Variants in BARX2 observed in about 807,000 individuals in gnomAD.
BARX2 encodes the protein homeobox protein BarH-like 2.
In BARX2, 11 loss-of-function variants were observed where a neutral mutation model predicts 25.5. The ratio of observed to expected loss-of-function variants is 0.43; its 90% CI spans 0.27 to 0.71. The LOEUF is 0.71. BARX2 is among the 30% of genes least tolerant of loss of function. The probability of loss-of-function intolerance (pLI) is 0.19; values close to 1 mark genes in which losing one functional copy is unlikely to be tolerated. For synonymous variants in BARX2, 137 were observed against 149.5 expected (o/e 0.92, Z 0.61); for missense variants, 360 against 359.9 (o/e 1.00, Z 0.00).
chr11:129,402,231 G>T (rs983044312), intron 1 of BARX2, among the ~76,000 whole-genome samples: 2 of 151,950 alleles, frequency 1.3e-5, no homozygotes, highest in South Asian at 4.2e-4. Context: ...AGCTTTGGGG[G>T]CACAGACCTG....
intron 3 of BARX2, among the ~76,000 whole-genome samples, chr11:129,446,127 C>T (rs1445212614): frequency 2.0e-5 from 3 of 152,144 alleles, no homozygotes; most frequent in Non-Finnish European, 4.4e-5. Context: ...ATGGGATGCG[C>T]ACCCTCTATT....
chr11:129,390,039 A>C lies in BARX2; in HGVS notation c.187+13817A>C, dbSNP rs1861652155. On this transcript the variant is annotated intron_variant, in intron 1 of 3. Transcript: ENST00000281437. The surrounding 1 kb of genome is among the most constrained non-coding windows in gnomAD (Gnocchi z 4.3). ...GGATTTTTTTGGGATTGTGTTTCTC[A>C]GCTGGTCACTAGTGTCTTATGAAGT... 6.6e-6 allele frequency among the ~76,000 whole-genome samples: 1 copy of C among 152,178 alleles called. No individual in the cohort carries two copies. Among genetic ancestry groups the C allele is most frequent in the African/African-American group, 2.4e-5 (1 of 41,442 alleles).
chr11:129,392,820 A>C (rs1180620827), intron 1 of BARX2, among the ~76,000 whole-genome samples: 1 of 152,092 alleles, frequency 6.6e-6, no homozygotes, highest in Non-Finnish European at 1.5e-5. Context: ...CATGTTGCCC[A>C]GGCTGGTCTT....
chr11:129,416,878 T>G (rs1861949588), intron 1 of BARX2, among the ~76,000 whole-genome samples: 1 of 142,982 alleles, frequency 7.0e-6, no homozygotes, highest in South Asian at 2.1e-4. Context: ...TGTCTTTGTT[T>G]TTTTTTTTTT....
chr11:129,393,520 CTT>C (rs752633695), intron 1 of BARX2, among the ~76,000 whole-genome samples: 13 of 142,136 alleles, frequency 9.1e-5, no homozygotes, highest in Admixed American at 7.1e-5. Flanking sequence ...TTAGGATATC[CTT>C]TTTTTTTTTT....
intron 1 of BARX2, among the ~76,000 whole-genome samples, chr11:129,427,543 A>G (rs572461422): frequency 3.9e-5 from 6 of 152,290 alleles, no homozygotes; most frequent in African/African-American, 9.6e-5. Flanking sequence ...CATTCCTGCA[A>G]TGTAAATCAG....
chr11:129,382,887 A>G (rs968888071), intron 1 of BARX2, among the ~76,000 whole-genome samples: 5 of 152,150 alleles, frequency 3.3e-5, no homozygotes, highest in African/African-American at 1.2e-4. Context: ...TGACGACGAG[A>G]AGAAGAGAAG....
intron 3 of BARX2, among the ~76,000 whole-genome samples, chr11:129,446,555 TATC>T (rs1215684974): frequency 6.6e-6 from 1 of 152,194 alleles, no homozygotes; most frequent in African/African-American, 2.4e-5. Context: ...CCGTTATTAT[TATC>T]ATTATTAGTA....
At chr11:129,379,805 A>T (rs1861542197) in intron 1 of BARX2, among the ~76,000 whole-genome samples, 1 of 152,016 alleles carries the variant, frequency 6.6e-6, no homozygotes, top group Non-Finnish European at 1.5e-5. Context: ...AATTTTTTCT[A>T]CTTAGAACCT....
At position 129,436,530 on chromosome 11, in the gene BARX2, G is replaced by A. The variant is rs548667571; in HGVS notation, c.188-221G>A. The A allele has an allele frequency of 4.5e-6, 2 of 443,882 alleles. No individual in the cohort carries two copies. Among genetic ancestry groups the A allele is most frequent in the African/African-American group, 2.0e-5 (1 of 50,646 alleles). 27.5% of individuals were successfully genotyped at this position (443,882 alleles called of 1,614,324 possible). A position where few individuals can be genotyped will look rare whatever the true frequency, so the allele number is the denominator to read the frequency against. On this transcript the variant is annotated intron_variant, in intron 1 of 3. Transcript: ENST00000281437. This position sits in a 1 kb window ranked among gnomAD's most constrained non-coding sequence, Gnocchi z 4.5. ...AGAGGACTTGCAGGAACCTCTTCTG[G>A]GCCGTGGGCTTCATCTTCCCACACA... is the stretch of plus-strand genomic sequence containing the variant.
intron 1 of BARX2, among the ~76,000 whole-genome samples, chr11:129,403,278 A>G (rs1280038191): frequency 6.6e-6 from 1 of 152,232 alleles, no homozygotes; most frequent in Non-Finnish European, 1.5e-5. Flanking sequence ...AAGTGGATAT[A>G]TTAGGGCAGT....
chr11:129,415,076 T>C (rs1232030501), intron 1 of BARX2, among the ~76,000 whole-genome samples: 2 of 150,810 alleles, frequency 1.3e-5, no homozygotes, highest in African/African-American at 4.9e-5. Context: ...TATTTTAATA[T>C]AAAAATTGGA....
At chr11:129,420,674 A>G (rs1183612085) in intron 1 of BARX2, among the ~76,000 whole-genome samples, 1 of 152,204 alleles carries the variant, frequency 6.6e-6, no homozygotes. Context: ...ATAGTTTATT[A>G]CTTCACCTCC....
chr11:129,434,240 T>G (rs1388676381), intron 1 of BARX2, among the ~76,000 whole-genome samples: 3 of 106,398 alleles, frequency 2.8e-5, no homozygotes, highest in Non-Finnish European at 1.8e-5. Flanking sequence ...TCATCTCTCT[T>G]TCTCATCAGT....
At chr11:129,441,940 G>A (rs75406241) in intron 2 of BARX2, among the ~76,000 whole-genome samples, 9,564 of 152,178 alleles carry the variant, frequency 0.063, 362 homozygotes, top group Middle Eastern at 0.11. Flanking sequence ...CTGGGATGCC[G>A]TGGTGCTCAG....
intron 1 of BARX2, among the ~76,000 whole-genome samples, chr11:129,389,104 GATA>G (rs768346674): frequency 4.3e-4 from 66 of 152,206 alleles, no homozygotes; most frequent in Admixed American, 9.2e-4. Context: ...GTAAAATGAA[GATA>G]ATAATAATCA....
In BARX2 at chr11:129,451,644, G is replaced by A; in HGVS notation, c.*242G>A. ...TAGCTGTGGATGCCCTTGATTAAGGGAGAGAGCGCCTAGGAGCTGCCTGCC... is the reference window on the plus strand; with the variant it reads ...TAGCTGTGGATGCCCTTGATTAAGGAAGAGAGCGCCTAGGAGCTGCCTGCC... On this transcript the variant is annotated 3_prime_UTR_variant, in exon 4 of 4. Transcript: ENST00000281437. 3.7e-6 allele frequency: 2 copies of A among 537,788 alleles called. No homozygotes were observed. The highest frequency in any genetic ancestry group is 6.5e-6 in the Non-Finnish European group (2 of 306,544). 33.3% of individuals were successfully genotyped at this position (537,788 alleles called of 1,614,324 possible). A position where few individuals can be genotyped will look rare whatever the true frequency, so the allele number is the denominator to read the frequency against.
chr11:129,406,766 C>A (rs1307733550), intron 1 of BARX2, among the ~76,000 whole-genome samples: 1 of 152,140 alleles, frequency 6.6e-6, no homozygotes, highest in Admixed American at 6.5e-5. Context: ...AGGACATCGA[C>A]CCTCAGTTTT....
chr11:129,398,439 A>G (rs1309661281), intron 1 of BARX2, among the ~76,000 whole-genome samples: 1 of 152,208 alleles, frequency 6.6e-6, no homozygotes, highest in Admixed American at 6.5e-5. Context: ...ATATCATGCT[A>G]ATTGCTGAAG....
Sources: gnomAD v4.1 joint callset for allele counts (sites outside exome capture counted in the v4.1 genomes callset) on GRCh38, gnomAD v4.1.1 for gene constraint, Gnocchi (gnomAD v3.1) non-coding constraint, MANE v1.5 for transcripts, NCBI Gene and HGNC (gene_info 2026-07-23, HGNC 2026-07-21) for gene names.